The following ARB2A variants were observed in gnomAD, a reference collection of about 807,000 sequenced individuals.
ARB2A encodes cotranscriptional regulator ARB2A.
the ARB2A span, among the ~76,000 whole-genome samples, chr5:93,908,186 T>C: frequency 4.6e-5 from 7 of 151,060 alleles, no homozygotes; most frequent in Non-Finnish European, 8.9e-5. Flanking sequence ...GACTTTTAAA[T>C]TGCATAAGAA....
At chr5:94,068,614 A>G in the ARB2A span, among the ~76,000 whole-genome samples, 593 of 152,254 alleles carry the variant, frequency 3.9e-3, 4 homozygotes, top group Non-Finnish European at 7.0e-3. Context: ...TGATTTGACT[A>G]TTTCTTTACC....
the ARB2A span, among the ~76,000 whole-genome samples, chr5:93,880,458 T>C: frequency 6.6e-6 from 1 of 151,758 alleles, no homozygotes; most frequent in Non-Finnish European, 1.5e-5. Flanking sequence ...CTAAAGTAAA[T>C]GTAAAAATAG....
chr5:94,111,236 A>T, the ARB2A span, among the ~76,000 whole-genome samples: 5 of 152,006 alleles, frequency 3.3e-5, no homozygotes, highest in Admixed American at 1.3e-4. Flanking sequence ...GTCTCCAGGG[A>T]CTCCCAGAAT....
the ARB2A span, among the ~76,000 whole-genome samples, chr5:94,026,641 T>C: frequency 3.3e-5 from 5 of 152,080 alleles, no homozygotes; most frequent in East Asian, 9.7e-4. Context: ...ATATGTAAAA[T>C]AGGTGAAGGG....
the ARB2A span, among the ~76,000 whole-genome samples, chr5:93,883,394 C>T: frequency 8.9e-6 from 1 of 112,320 alleles, no homozygotes; most frequent in South Asian, 3.6e-4. Context: ...AAACTTTCTA[C>T]ATCAAAGCAA....
At chr5:93,943,432 T>G in the ARB2A span, among the ~76,000 whole-genome samples, 1 of 152,148 alleles carries the variant, frequency 6.6e-6, no homozygotes, top group African/African-American at 2.4e-5. Flanking sequence ...TTCATATTTT[T>G]TCTCTGAGCC....
At chr5:94,104,979 T>C in the ARB2A span, among the ~76,000 whole-genome samples, 6 of 151,916 alleles carry the variant, frequency 3.9e-5, no homozygotes, top group African/African-American at 1.2e-4. Context: ...AAACTAGACA[T>C]TGAAGGAACA....
chr5:93,778,536 T>C, the ARB2A span, among the ~76,000 whole-genome samples: 1 of 152,336 alleles, frequency 6.6e-6, no homozygotes, highest in African/African-American at 2.4e-5. Flanking sequence ...CAATGAAGAA[T>C]GACTTTCTCT....
At chr5:93,799,813 A>C in the ARB2A span, among the ~76,000 whole-genome samples, 1 of 152,124 alleles carries the variant, frequency 6.6e-6, no homozygotes, top group Non-Finnish European at 1.5e-5. Flanking sequence ...CTATTACTAA[A>C]GATCTGAGAT....
At chr5:93,952,090 C>A in the ARB2A span, among the ~76,000 whole-genome samples, 1 of 152,076 alleles carries the variant, frequency 6.6e-6, no homozygotes, top group African/African-American at 2.4e-5. Context: ...AAGTTGCCAC[C>A]TTTGTAATAA....
chr5:93,879,543 G>C, the ARB2A span, among the ~76,000 whole-genome samples: 1 of 151,818 alleles, frequency 6.6e-6, no homozygotes, highest in South Asian at 2.1e-4. Flanking sequence ...AAAGGAAAGA[G>C]AGCAGGTCTT....
At chr5:94,000,904 G>A in the ARB2A span, among the ~76,000 whole-genome samples, 2 of 152,080 alleles carry the variant, frequency 1.3e-5, no homozygotes, top group Non-Finnish European at 2.9e-5. Flanking sequence ...ATTTAAAAGA[G>A]TATCCCTGCT....
chr5:93,843,417 CTTT>C, the ARB2A span, among the ~76,000 whole-genome samples: 6 of 120,582 alleles, frequency 5.0e-5, no homozygotes, highest in Admixed American at 8.6e-5. Context: ...AACAAGGATA[CTTT>C]TTTTTTTTTT....
chr5:93,855,189 A>G, the ARB2A span, among the ~76,000 whole-genome samples: 2 of 152,158 alleles, frequency 1.3e-5, no homozygotes, highest in African/African-American at 2.4e-5. Context: ...TTCTTGTTGA[A>G]TTGATCCCTG....
the ARB2A span, among the ~76,000 whole-genome samples, chr5:93,645,514 C>T: frequency 6.7e-6 from 1 of 149,306 alleles, no homozygotes; most frequent in Non-Finnish European, 1.5e-5. Flanking sequence ...GTGGAGGTTG[C>T]AGTGAGCCAA....
chr5:93,830,778 T>G, the ARB2A span, among the ~76,000 whole-genome samples: 1 of 151,996 alleles, frequency 6.6e-6, no homozygotes. Context: ...ACAGACAGAG[T>G]GGAGAGGATG....
At chr5:93,759,393 C>T in the ARB2A span, among the ~76,000 whole-genome samples, 236 of 152,222 alleles carry the variant, frequency 1.6e-3, 1 homozygote, top group African/African-American at 4.8e-3. Context: ...CTAATTCATT[C>T]TATGAAGCCA....
chr5:93,958,523 A>AC, the ARB2A span, among the ~76,000 whole-genome samples: 3 of 152,074 alleles, frequency 2.0e-5, no homozygotes, highest in Admixed American at 1.3e-4. Context: ...GTCATATTTC[A>AC]CAGGATTAAA....
chr5:93,948,964 T>C, the ARB2A span, among the ~76,000 whole-genome samples: 1 of 152,104 alleles, frequency 6.6e-6, no homozygotes, highest in East Asian at 1.9e-4. Context: ...CTTACCTATA[T>C]CCAGGACTCT....
Sources: gnomAD v4.1 joint callset for allele counts (sites outside exome capture counted in the v4.1 genomes callset) on GRCh38, gnomAD v4.1.1 for gene constraint, MANE v1.5 for transcripts, NCBI Gene and HGNC (gene_info 2026-07-23, HGNC 2026-07-21) for gene names.